Variants in NCAPD2 observed in about 807,000 individuals in gnomAD.
The protein encoded by NCAPD2 is non-SMC condensin I complex subunit D2.
In NCAPD2, 100 loss-of-function variants were observed where a neutral mutation model predicts 164.5. The observed-to-expected ratio is 0.61, with a 90% CI of 0.52 to 0.72. The LOEUF (loss-of-function observed/expected upper bound fraction) is 0.72. Among genes scored for constraint, NCAPD2 ranks in the 30% least tolerant of loss-of-function variants. NCAPD2 has a pLI of 0.00. For synonymous variants in NCAPD2, 585 were observed against 642.6 expected, an observed-to-expected ratio of 0.91 and a Z score of 1.36; for missense variants, 1,560 against 1,749.2, an observed-to-expected ratio of 0.89 and a Z score of 1.93.
intron 5 of NCAPD2, 74 bp from the exon 6 acceptor site, chr12:6,511,036 G>A: frequency 6.7e-7 from 1 of 1,503,604 alleles, no homozygotes; most frequent in African/African-American, 1.4e-5. Context: ...AGATTGTTTG[G>A]GCACTCAGAC....
intron 2 of NCAPD2, among the ~76,000 whole-genome samples, chr12:6,504,456 G>A (rs1236473166): frequency 6.6e-6 from 1 of 151,726 alleles, no homozygotes; most frequent in Non-Finnish European, 1.5e-5. Flanking sequence ...GTGGTGGCGC[G>A]ATCTCGGCTC....
chr12:6,520,931 T>TA (rs766935146), intron 13 of NCAPD2, 55 bp from the exon 14 acceptor site: 92 of 1,609,790 alleles, frequency 5.7e-5, no homozygotes, highest in Admixed American at 8.4e-5. Context: ...TAAGCTCCCT[T>TA]ACAAACGGCT....
At position 6,529,584 on chromosome 12, in the gene NCAPD2, G is replaced by T; in HGVS notation, c.3644G>T (p.Arg1215Leu). 6.2e-7 allele frequency: 1 copy of T among 1,614,156 alleles called. No individual in the cohort carries two copies. The highest frequency in any genetic ancestry group is 1.1e-5 in the South Asian group (1 of 91,086). The change falls in exon 28 of 32, where the codon CGC becomes CTC. Residue 1215 changes from arginine to leucine, a missense_variant. Transcript: ENST00000315579. The part of the protein sequence containing the change: ...SLVEKLCQRF[R>L]TSRTERQQRD... ...GTGGAAAAGCTGTGTCAGCGGTTCC[G>T]CACATCCCGGTATGCTGCCCTCCCT...
intron 17 of NCAPD2, among the ~76,000 whole-genome samples, chr12:6,524,358 A>C (rs536122035): frequency 3.9e-4 from 60 of 152,222 alleles, no homozygotes; most frequent in Admixed American, 1.1e-3. Context: ...TATCTGGAAA[A>C]GACCAGGCGC....
intron 15 of NCAPD2, 38 bp downstream of exon 15, chr12:6,522,075 G>GA: frequency 6.3e-7 from 1 of 1,579,350 alleles, no homozygotes; most frequent in Non-Finnish European, 8.6e-7. Flanking sequence ...CAGCCTTGGG[G>GA]TTCTTTTGGA....
chr12:6,531,360 C>G lies in NCAPD2; in HGVS notation c.4154C>G (p.Pro1385Arg), dbSNP rs1946371764. The G allele has an allele frequency of 5.0e-6, 8 of 1,613,646 alleles. No homozygotes were observed. In the African/African-American group the frequency reaches 1.1e-4, roughly 22 times the overall value. Residue 1385 changes from proline to arginine, a missense_variant, in exon 32 of 32, where the codon CCC (proline) becomes CGC (arginine). Coordinates refer to ENST00000315579, the MANE Select transcript of NCAPD2 (RefSeq NM_014865.4). The surrounding 1 kb of genome is among the most constrained non-coding windows in gnomAD (Gnocchi z 4.1). ...GCAGAGATGACAGAAGACGAGACAC[C>G]CAAGAAAACAACTCCCATTCTCAGA... The part of the protein sequence containing the change: ...LSAEMTEDET[P>R]KKTTPILRAS...
chr12:6,512,350 C>A (rs2137048190), intron 6 of NCAPD2, among the ~76,000 whole-genome samples: 1 of 150,936 alleles, frequency 6.6e-6, no homozygotes, highest in South Asian at 2.1e-4. Context: ...TCTAGTAAGA[C>A]TTCTTTGAGA....
Position 6,517,665 on chromosome 12 carries a change from A to G in NCAPD2, c.1390A>G (p.Arg464Gly). 1 of 1,614,234 alleles carries G rather than the reference A, an allele frequency of 6.2e-7. No homozygotes were observed. Residue 464 changes from arginine (R) to glycine (G), a missense_variant, in exon 12 of 32, where the codon AGG becomes GGG. Coordinates refer to ENST00000315579, the MANE Select transcript of NCAPD2 (RefSeq NM_014865.4). Reference protein sequence around the residue: ...TQKLQEMRAQRRTAAASAVLD... With the variant: ...TQKLQEMRAQGRTAAASAVLD... ...GAAATTACAAGAGATGAGGGCCCAG[A>G]GGCGAACTGCAGCAGCTTGTAAGTA...
In NCAPD2 at chr12:6,517,772, C is replaced by T. The variant is rs770390176; in HGVS notation, c.1409-7C>T. ...AGTGAAAGAGACTAAGTGACACTCT[C>T]ATTTAGCTGCAGTGCTGGACCCAGA... On this transcript the variant is annotated splice_polypyrimidine_tract_variant and splice_region_variant and intron_variant, in intron 12 of 31. Transcript: ENST00000315579. 3.7e-6 allele frequency: 6 copies of T among 1,614,106 alleles called. No homozygotes were observed. The highest frequency in any genetic ancestry group is 1.1e-5 in the South Asian group (1 of 91,070).
rs971092261 is a variant in NCAPD2 at position 6,531,604 on chromosome 12, G to A, written c.*192G>A. On this transcript the variant is annotated 3_prime_UTR_variant, in exon 32 of 32. Coordinates refer to ENST00000315579, the MANE Select transcript of NCAPD2 (RefSeq NM_014865.4). This position sits in a 1 kb window ranked among gnomAD's most constrained non-coding sequence, Gnocchi z 4.1. ...GTGGATAACCTGAGGTAGGGAGTTCGAGACCAGCCTGACCAACATGGAGAA... is the reference window on the plus strand; with the variant it reads ...GTGGATAACCTGAGGTAGGGAGTTCAAGACCAGCCTGACCAACATGGAGAA... 8 of 1,139,636 alleles carry A rather than the reference G, an allele frequency of 7.0e-6. No homozygotes were observed. Among genetic ancestry groups the A allele is most frequent in the East Asian group, 2.8e-5 (1 of 36,060 alleles). The allele number at this position is 1,139,636 out of a possible 1,614,324, so 70.6% of individuals were successfully genotyped here.
Position 6,531,000 on chromosome 12 carries a change from G to C in NCAPD2, c.4044G>C (p.Arg1348=). 1 of 1,614,160 alleles carries C rather than the reference G, an allele frequency of 6.2e-7. No individual in the cohort carries two copies. The highest frequency in any genetic ancestry group is 8.5e-7 in the Non-Finnish European group (1 of 1,180,038). The change falls in exon 31 of 32, where the codon CGG becomes CGC. Residue 1348 remains arginine (R), a synonymous_variant. Transcript: ENST00000315579. ...VTPEPRRTTR[R]HPNTQQRASK... ...CAGAGCCCCGCCGTACTACCCGTCG[G>C]CATCCAAACACCCAGCAGCGAGCTT...
At chr12:6,525,503 CA>C in intron 17 of NCAPD2, 79 bp from the exon 18 acceptor site, 1 of 1,513,004 alleles carries the variant, frequency 6.6e-7, no homozygotes, top group Non-Finnish European at 8.9e-7. Context: ...TTCAGGTTCG[CA>C]ATATCATCTT....
chr12:6,529,457 G>A, intron 27 of NCAPD2, 56 bp from the exon 28 acceptor site: 1 of 1,516,920 alleles, frequency 6.6e-7, no homozygotes, highest in East Asian at 2.3e-5. Context: ...GTTGGTCTTA[G>A]TGGATGGCAG....
intron 22 of NCAPD2, 43 bp downstream of exon 22, chr12:6,527,106 T>A: frequency 6.4e-7 from 1 of 1,566,326 alleles, no homozygotes; most frequent in Non-Finnish European, 8.7e-7. Flanking sequence ...ATTTCATACC[T>A]CAGCTCAGAA....
chr12:6,531,206 T>G lies in NCAPD2; in HGVS notation c.4121-121T>G. ...CCCACTGCCGCAGAAGGGCCTCTCC[T>G]GTACAGCTTGGATTTTATTTCTTCT... On this transcript the variant is annotated intron_variant, in intron 31 of 31. Coordinates refer to ENST00000315579, the MANE Select transcript of NCAPD2 (RefSeq NM_014865.4). The surrounding 1 kb of genome is among the most constrained non-coding windows in gnomAD (Gnocchi z 4.1). 1 of 1,484,782 alleles carries G rather than the reference T, an allele frequency of 6.7e-7. No individual in the cohort carries two copies. The highest frequency in any genetic ancestry group is 9.2e-7 in the Non-Finnish European group (1 of 1,081,484). 92.0% of individuals were successfully genotyped at this position (1,484,782 alleles called of 1,614,324 possible).
At position 6,510,740 on chromosome 12, in the gene NCAPD2, T is replaced by C. The variant is rs777295465; in HGVS notation, c.374T>C (p.Ile125Thr). Residue 125 changes from isoleucine to threonine, a missense_variant, in exon 5 of 32, where the codon ATA (isoleucine) becomes ACA (threonine). Physicochemically the swap from Ile to Thr is moderately conservative, Grantham distance 89. Transcript: ENST00000315579. ...NALKMNCYALIRLLESFETMA... is the reference protein window; with the variant it reads ...NALKMNCYALTRLLESFETMA... ...CTCAAAATGAACTGTTATGCTCTGA[T>C]ACGTCTCCTGGAATCCTTTGAGACC... 2 of 1,614,212 alleles carry C rather than the reference T, an allele frequency of 1.2e-6. No homozygotes were observed. The highest frequency in any genetic ancestry group is 8.5e-7 in the Non-Finnish European group (1 of 1,180,038).
Position 6,531,324 on chromosome 12 carries a change from T to G in NCAPD2, c.4121-3T>G. The G allele has an allele frequency of 6.2e-7, 1 of 1,611,872 alleles. No individual in the cohort carries two copies. On this transcript the variant is annotated splice_region_variant and splice_polypyrimidine_tract_variant and intron_variant, in intron 31 of 31. Coordinates refer to ENST00000315579, the MANE Select transcript of NCAPD2 (RefSeq NM_014865.4). This position sits in a 1 kb window ranked among gnomAD's most constrained non-coding sequence, Gnocchi z 4.1. ...TTTCTTATTCCTTTAATTCTTTGCA[T>G]AGATCTTTCAGCAGAGATGACAGAA...
At chr12:6,525,103 T>C (rs1384329271) in intron 17 of NCAPD2, among the ~76,000 whole-genome samples, 1 of 152,026 alleles carries the variant, frequency 6.6e-6, no homozygotes, top group Non-Finnish European at 1.5e-5. Context: ...ATTGGAGAAA[T>C]CACTGCAGAA....
At chr12:6,527,185 C>A in intron 22 of NCAPD2, 122 bp downstream of exon 22, 1 of 1,046,556 alleles carries the variant, frequency 9.6e-7, no homozygotes, top group Non-Finnish European at 1.3e-6. Context: ...TTCTGCCTCT[C>A]TGTGGCTACT....
Sources: gnomAD v4.1 joint callset for allele counts (sites outside exome capture counted in the v4.1 genomes callset) on GRCh38, gnomAD v4.1.1 for gene constraint, Gnocchi (gnomAD v3.1) non-coding constraint, MANE v1.5 for transcripts, NCBI Gene and HGNC (gene_info 2026-07-23, HGNC 2026-07-21) for gene names.